Variants in GRIA1 observed in about 807,000 individuals in gnomAD.
GRIA1 encodes the protein glutamate ionotropic receptor AMPA type subunit 1, also known as glutamate receptor 1.
A neutral mutation model predicts 99.2 loss-of-function variants in GRIA1; 31 were observed. The observed-to-expected ratio is 0.31, with a 90% CI of 0.23 to 0.42. The LOEUF (loss-of-function observed/expected upper bound fraction) is 0.42. GRIA1 is among the 10% of genes least tolerant of loss of function. The pLI, the probability that GRIA1 is intolerant of heterozygous loss-of-function variation, is 1.00. For missense variants in GRIA1, 782 were observed against 1,157.5 expected (o/e 0.68, Z 4.71); for synonymous variants, 438 against 432.4 (o/e 1.01, Z -0.16).
chr5:153,669,653 AT>A (rs1756007019), intron 5 of GRIA1, among the ~76,000 whole-genome samples: 2 of 152,238 alleles, frequency 1.3e-5, no homozygotes, highest in South Asian at 4.1e-4. Context: ...TAAAACAGAT[AT>A]TACAGAAGGG....
chr5:153,528,923 T>C (rs1189265417), intron 2 of GRIA1, among the ~76,000 whole-genome samples: 1 of 152,162 alleles, frequency 6.6e-6, no homozygotes, highest in Non-Finnish European at 1.5e-5. Flanking sequence ...TATGTGTCCT[T>C]GCATAGGTTG....
intron 10 of GRIA1, among the ~76,000 whole-genome samples, chr5:153,703,174 T>A (rs1022358513): frequency 6.6e-6 from 1 of 152,186 alleles, no homozygotes; most frequent in Admixed American, 6.5e-5. Context: ...ATGAAGTAGT[T>A]GAACTTAGCA....
chr5:153,671,464 C>G (rs560813267), intron 5 of GRIA1, among the ~76,000 whole-genome samples: 3 of 152,178 alleles, frequency 2.0e-5, no homozygotes, highest in Non-Finnish European at 2.9e-5. Context: ...GATGGTATAA[C>G]GTCTTGGAAT....
chr5:153,503,150 CT>C (rs754211158), intron 2 of GRIA1, among the ~76,000 whole-genome samples: 1 of 152,030 alleles, frequency 6.6e-6, no homozygotes, highest in Non-Finnish European at 1.5e-5. Context: ...AAAAACAGTG[CT>C]GTGATATTTC....
At chr5:153,626,103 G>A (rs1023403811) in intron 2 of GRIA1, among the ~76,000 whole-genome samples, 3 of 152,118 alleles carry the variant, frequency 2.0e-5, no homozygotes, top group Non-Finnish European at 2.9e-5. Context: ...TGACCTTCAC[G>A]TTTCTTAACT....
At chr5:153,568,184 G>T (rs910742102) in intron 2 of GRIA1, among the ~76,000 whole-genome samples, 1 of 152,136 alleles carries the variant, frequency 6.6e-6, no homozygotes. Flanking sequence ...ATTGCAATTG[G>T]CCGTTACTCT....
intron 13 of GRIA1, among the ~76,000 whole-genome samples, chr5:153,776,585 A>T (rs1290948762): frequency 1.3e-5 from 2 of 152,210 alleles, no homozygotes; most frequent in African/African-American, 4.8e-5. Context: ...GGCCTTTATC[A>T]ATTTTTTCAT....
rs73285420 is a variant in GRIA1, at chr5:153,660,042, A to G, written c.699+4170A>G. On this transcript the variant is annotated intron_variant, in intron 5 of 15. Transcript: ENST00000285900. ...TGAAGTAAACAAGGTGGAATTCATCATCCCCATTTTACAGATGTGGGAACT... is the reference window on the plus strand; with the variant it reads ...TGAAGTAAACAAGGTGGAATTCATCGTCCCCATTTTACAGATGTGGGAACT... 8.9e-3 allele frequency among the ~76,000 whole-genome samples: 1,348 copies of G among 152,286 alleles called. 15 individuals are homozygous for G. Among genetic ancestry groups the G allele is most frequent in the African/African-American group, 0.03 (1,267 of 41,566 alleles).
At chr5:153,530,587 A>T (rs1016647978) in intron 2 of GRIA1, among the ~76,000 whole-genome samples, 5 of 152,226 alleles carry the variant, frequency 3.3e-5, no homozygotes, top group Admixed American at 2.6e-4. Flanking sequence ...AGTGGCAGAT[A>T]GTTTCCGCTG....
At chr5:153,703,069 T>C (rs1466587096) in intron 10 of GRIA1, among the ~76,000 whole-genome samples, 1 of 152,224 alleles carries the variant, frequency 6.6e-6, no homozygotes, top group Non-Finnish European at 1.5e-5. Flanking sequence ...GGAAATCAAC[T>C]TCTGAGGCCT....
chr5:153,787,652 G>A lies in GRIA1; in HGVS notation c.2271-6969G>A, dbSNP rs529263096. 2.1e-4 allele frequency among the ~76,000 whole-genome samples: 32 copies of A among 152,276 alleles called. No homozygotes were observed. In the South Asian group the frequency reaches 5.6e-3, roughly 27 times the overall value. ...AAGTAAGTAATTATTATAGCCATCC[G>A]TATATGAATGCTTTACAAAATTTTG... On this transcript the variant is annotated intron_variant, in intron 13 of 15. Coordinates refer to ENST00000285900, the MANE Select transcript of GRIA1 (RefSeq NM_000827.4).
intron 2 of GRIA1, among the ~76,000 whole-genome samples, chr5:153,571,313 G>C (rs912817597): frequency 6.6e-6 from 1 of 152,142 alleles, no homozygotes; most frequent in Non-Finnish European, 1.5e-5. Context: ...GGTAGCCAGT[G>C]ACAGGCAGGC....
intron 4 of GRIA1, among the ~76,000 whole-genome samples, chr5:153,651,377 A>G (rs777316251): frequency 8.5e-5 from 13 of 152,326 alleles, no homozygotes; most frequent in Non-Finnish European, 1.5e-4. Flanking sequence ...GTCTTGAGCT[A>G]GATCTCTCTA....
At chr5:153,647,277 A>G in intron 3 of GRIA1, 110 bp downstream of exon 3, 1 of 1,304,332 alleles carries the variant, frequency 7.7e-7, no homozygotes, top group Non-Finnish European at 1.1e-6. Flanking sequence ...AAAATTATCC[A>G]AAATGCTTTA....
chr5:153,493,974 A>G lies in GRIA1; in HGVS notation c.129A>G (p.Arg43=). 1 of 1,614,024 alleles carries G rather than the reference A, an allele frequency of 6.2e-7. No individual in the cohort carries two copies. The highest frequency in any genetic ancestry group is 8.5e-7 in the Non-Finnish European group (1 of 1,179,960). Residue 43 remains arginine, a synonymous_variant, in exon 2 of 16, where the codon AGA becomes AGG. Transcript: ENST00000285900. ...AGTCACAGGAACATGCTGCTTTTAG[A>G]TTTGCTTTGTCGCAACTCACAGAGC... The part of the protein sequence containing the change: ...NQQSQEHAAF[R]FALSQLTEPP...
intron 2 of GRIA1, among the ~76,000 whole-genome samples, chr5:153,635,975 C>A (rs1753327818): frequency 6.6e-6 from 1 of 152,170 alleles, no homozygotes; most frequent in South Asian, 2.1e-4. Flanking sequence ...ATGTTAGTTG[C>A]AGTCTATCTG....
chr5:153,645,039 T>A (rs1417794832), intron 2 of GRIA1, among the ~76,000 whole-genome samples: 1 of 152,082 alleles, frequency 6.6e-6, no homozygotes, highest in Non-Finnish European at 1.5e-5. Flanking sequence ...GAAAGAACAA[T>A]GTGTTTTGTT....
intron 8 of GRIA1, among the ~76,000 whole-genome samples, chr5:153,693,828 G>A (rs1182020904): frequency 1.3e-5 from 2 of 152,178 alleles, no homozygotes; most frequent in East Asian, 1.9e-4. Flanking sequence ...TCAAAGTGCT[G>A]TATTATAATC....
intron 2 of GRIA1, among the ~76,000 whole-genome samples, chr5:153,592,611 C>T (rs1764069369): frequency 1.3e-5 from 2 of 152,216 alleles, no homozygotes; most frequent in Non-Finnish European, 2.9e-5. Flanking sequence ...CTCTTCCCTC[C>T]TCCCTTTCTA....
Sources: gnomAD v4.1 joint callset for allele counts (sites outside exome capture counted in the v4.1 genomes callset) on GRCh38, gnomAD v4.1.1 for gene constraint, MANE v1.5 for transcripts, NCBI Gene and HGNC (gene_info 2026-07-23, HGNC 2026-07-21) for gene names.